The following ST8SIA1 variants were observed in gnomAD, a reference collection of about 807,000 sequenced individuals.
The protein encoded by ST8SIA1 is alpha-N-acetylneuraminide alpha-2,8-sialyltransferase.
Under a neutral mutation model 35.9 loss-of-function variants are expected in ST8SIA1, and 16 were observed. The ratio of observed to expected loss-of-function variants is 0.45; its 90% CI spans 0.30 to 0.68. The LOEUF (loss-of-function observed/expected upper bound fraction) is 0.68, where lower values mean the gene tolerates loss of function less well. Ranked by LOEUF, ST8SIA1 falls within the 30% of genes least tolerant of loss-of-function variation. The pLI is 0.09. For synonymous variants in ST8SIA1, 170 were observed against 169.6 expected, an observed-to-expected ratio of 1.00 and a Z score of -0.02; for missense variants, 383 against 453.6, an observed-to-expected ratio of 0.84 and a Z score of 1.41.
intron 2 of ST8SIA1, among the ~76,000 whole-genome samples, chr12:22,260,570 A>G (rs1487374103): frequency 6.6e-6 from 1 of 152,152 alleles, no homozygotes; most frequent in African/African-American, 2.4e-5. Flanking sequence ...TGACCATATT[A>G]TATGAATCAT....
chr12:22,230,783 G>T (rs576584465), intron 4 of ST8SIA1, among the ~76,000 whole-genome samples: 2 of 152,268 alleles, frequency 1.3e-5, no homozygotes, highest in Admixed American at 6.5e-5. Flanking sequence ...GCATTGCTGG[G>T]GGACGGGGCT....
intron 1 of ST8SIA1, among the ~76,000 whole-genome samples, chr12:22,306,565 T>C (rs1056282482): frequency 3.0e-4 from 45 of 152,234 alleles, no homozygotes; most frequent in Admixed American, 9.8e-4. Context: ...TCAGTGTTTC[T>C]ATTCAGTAAT....
intron 4 of ST8SIA1, among the ~76,000 whole-genome samples, chr12:22,243,859 C>T (rs2300724): frequency 0.2 from 30,292 of 152,054 alleles, 3,227 homozygotes; most frequent in Middle Eastern, 0.31. Context: ...TGGTGAAACC[C>T]CGTCTCTACA....
intron 2 of ST8SIA1, chr12:22,286,432 G>A (rs569664324): frequency 1.2e-5 from 6 of 518,722 alleles, no homozygotes; most frequent in African/African-American, 1.2e-4. Flanking sequence ...ACCAAGGGTG[G>A]CTAAAAGATG....
At chr12:22,273,711 T>C (rs942736026) in intron 2 of ST8SIA1, among the ~76,000 whole-genome samples, 1 of 152,180 alleles carries the variant, frequency 6.6e-6, no homozygotes, top group African/African-American at 2.4e-5. Flanking sequence ...CAGGATACAC[T>C]TGGTGATTGT....
In ST8SIA1 at chr12:22,202,106, T is replaced by C. The variant is rs1865055008; in HGVS notation, c.585-68A>G. 7.6e-6 allele frequency: 11 copies of C among 1,443,938 alleles called. No homozygotes were observed. The South Asian group carries it at 1.6e-4, about 20-fold the overall frequency. The allele number at this position is 1,443,938 out of a possible 1,614,324, so 89.4% of individuals were successfully genotyped here. A position where few individuals can be genotyped will look rare whatever the true frequency, so the allele number is the denominator to read the frequency against. On this transcript the variant is annotated intron_variant, in intron 4 of 4. Transcript: ENST00000396037. ...AAGAAACTCACCAAAACCCACTCTG[T>C]TGTCTTCTGGTGGCCCTGATACCTC... is the stretch of plus-strand genomic sequence containing the variant.
intron 1 of ST8SIA1, among the ~76,000 whole-genome samples, chr12:22,288,396 G>A (rs778599619): frequency 2.1e-4 from 32 of 151,756 alleles, no homozygotes; most frequent in Non-Finnish European, 3.4e-4. Context: ...TGAGACTTTC[G>A]TTGAGAGTTC....
In ST8SIA1 at chr12:22,304,812, TAA is replaced by T. The variant is rs548042082; in HGVS notation, c.237-17521_237-17520del. On this transcript the variant is annotated intron_variant, in intron 1 of 4. Coordinates refer to ENST00000396037, the MANE Select transcript of ST8SIA1 (RefSeq NM_003034.4). The stretch of plus-strand genomic sequence containing the variant: ...GCTCTGCCCAGAGCTCAGATCCAGT[TAA>T]AAGACAAGTAGTCCCTATCTAAATA... Among the ~76,000 whole-genome samples the T allele has an allele frequency of 2.0e-4, 30 of 152,354 alleles. No homozygotes were observed. The East Asian group carries it at 5.8e-3, about 29-fold the overall frequency.
At chr12:22,215,835 T>A (rs936538888) in intron 4 of ST8SIA1, among the ~76,000 whole-genome samples, 4 of 152,184 alleles carry the variant, frequency 2.6e-5, no homozygotes, top group Admixed American at 2.0e-4. Context: ...CTGAGCCACA[T>A]AAAGTGGCCA....
At chr12:22,321,000 AAAG>A (rs879761972) in intron 1 of ST8SIA1, among the ~76,000 whole-genome samples, 13,862 of 92,432 alleles carry the variant, frequency 0.15, 1,155 homozygotes, top group South Asian at 0.3. Context: ...AGAAAGAAAG[AAAG>A]AAGAAAGAAA....
At chr12:22,250,829 T>C (rs1156684385) in intron 3 of ST8SIA1, 1 of 152,182 alleles carries the variant, frequency 6.6e-6, no homozygotes, top group African/African-American at 2.4e-5. Flanking sequence ...GATACTGGTT[T>C]TTCTGGTAGC....
rs1411349985 is a variant in ST8SIA1, at chr12:22,194,094, T to C, written c.*7458A>G. 6.6e-6 allele frequency: 1 copy of C among 152,218 alleles called. No individual in the cohort carries two copies. The highest frequency in any genetic ancestry group is 1.5e-5 in the Non-Finnish European group (1 of 68,036). The allele number at this position is 152,218 out of a possible 1,614,324, so 9.4% of individuals were successfully genotyped here. A position where few individuals can be genotyped will look rare whatever the true frequency, so the allele number is the denominator to read the frequency against. Reference sequence around the variant, plus strand: ...TTAAGCAGGCTTTTTGATGGAGCTATATTTGTTCTCTTCTCTCTAGTGTCT... The same window carrying C: ...TTAAGCAGGCTTTTTGATGGAGCTACATTTGTTCTCTTCTCTCTAGTGTCT... On this transcript the variant is annotated 3_prime_UTR_variant, in exon 5 of 5. Coordinates refer to ENST00000396037, the MANE Select transcript of ST8SIA1 (RefSeq NM_003034.4).
chr12:22,259,290 G>GTTT (rs35900702), intron 2 of ST8SIA1, among the ~76,000 whole-genome samples: 2 of 151,582 alleles, frequency 1.3e-5, no homozygotes, highest in Non-Finnish European at 1.5e-5. Flanking sequence ...AAGTCCAGGG[G>GTTT]TTTTTTTAAA....
At chr12:22,248,228 C>A (rs1423172837) in intron 4 of ST8SIA1, among the ~76,000 whole-genome samples, 1 of 152,158 alleles carries the variant, frequency 6.6e-6, no homozygotes, top group Non-Finnish European at 1.5e-5. Flanking sequence ...TGACAAGCGC[C>A]TGGGCCCAGA....
At chr12:22,318,261 T>C (rs1258537709) in intron 1 of ST8SIA1, among the ~76,000 whole-genome samples, 1 of 152,228 alleles carries the variant, frequency 6.6e-6, no homozygotes, top group Non-Finnish European at 1.5e-5. Context: ...GGAAAGTCCA[T>C]GGAGATTTCA....
Position 22,193,475 on chromosome 12 carries a change from T to C in ST8SIA1, c.*8077A>G, listed in dbSNP as rs2120573994. On this transcript the variant is annotated 3_prime_UTR_variant, in exon 5 of 5. Transcript: ENST00000396037. ...AGAGAAATTGAGACTTACCGAACCTTCTCACTGCCAGCCATAATTACAATG... is the reference window on the plus strand; with the variant it reads ...AGAGAAATTGAGACTTACCGAACCTCCTCACTGCCAGCCATAATTACAATG... 1 of 152,260 alleles carries C rather than the reference T, an allele frequency of 6.6e-6. No individual in the cohort carries two copies. The highest frequency in any genetic ancestry group is 3.4e-3 in the Middle Eastern group (1 of 294). 9.4% of individuals were successfully genotyped at this position (152,260 alleles called of 1,614,324 possible). A position where few individuals can be genotyped will look rare whatever the true frequency, so the allele number is the denominator to read the frequency against.
chr12:22,279,457 T>C (rs1866008608), intron 2 of ST8SIA1, among the ~76,000 whole-genome samples: 1 of 152,112 alleles, frequency 6.6e-6, no homozygotes. Flanking sequence ...GTTCCTGCTG[T>C]GATAAATGAT....
At chr12:22,286,711 T>C (rs1430475182) in intron 2 of ST8SIA1, among the ~76,000 whole-genome samples, 1 of 152,228 alleles carries the variant, frequency 6.6e-6, no homozygotes, top group Non-Finnish European at 1.5e-5. Context: ...TTCACAGTGG[T>C]AATCTAACCA....
intron 1 of ST8SIA1, among the ~76,000 whole-genome samples, chr12:22,294,258 G>A (rs987241802): frequency 6.6e-6 from 1 of 151,800 alleles, no homozygotes; most frequent in Non-Finnish European, 1.5e-5. Context: ...GGAGGCAAGT[G>A]GTGATAATAC....
Sources: allele counts gnomAD v4.1 joint callset (sites outside exome capture counted in the v4.1 genomes callset), GRCh38; gene constraint gnomAD v4.1.1; transcripts MANE v1.5; gene names NCBI Gene and HGNC (gene_info 2026-07-23, HGNC 2026-07-21).